Variants in PTPRG observed in about 807,000 individuals in gnomAD.
The protein encoded by PTPRG is receptor-type tyrosine-protein phosphatase gamma.
PTPRG carries 102 observed loss-of-function variants against 165.3 expected under a neutral mutation model. The observed-to-expected ratio is 0.62, with a 90% CI of 0.53 to 0.73. PTPRG has a LOEUF of 0.73. PTPRG is among the 30% of genes least tolerant of loss of function. PTPRG has a pLI of 0.00. For synonymous variants in PTPRG, 675 were observed against 669.5 expected (o/e 1.01, Z -0.13); for missense variants, 1,866 against 1,861.4 (o/e 1.00, Z -0.05).
intron 2 of PTPRG, chr3:61,771,174 G>T (rs2034196088): frequency 6.6e-6 from 1 of 152,096 alleles, no homozygotes; most frequent in African/African-American, 2.4e-5. Context: ...AATCAGAACA[G>T]AAAAAATAAG....
intron 1 of PTPRG, among the ~76,000 whole-genome samples, chr3:61,625,860 C>G (rs1289633326): frequency 6.6e-6 from 1 of 152,200 alleles, no homozygotes; most frequent in African/African-American, 2.4e-5. Context: ...TGTTGCAGAA[C>G]TTACTCCATT....
chr3:61,756,230 GA>G (rs1270798029), intron 2 of PTPRG, among the ~76,000 whole-genome samples: 3 of 152,180 alleles, frequency 2.0e-5, no homozygotes, highest in Non-Finnish European at 2.9e-5. Flanking sequence ...TCTTTGAACA[GA>G]ACCTTTGTCT....
chr3:61,939,641 T>G (rs1575805326), intron 2 of PTPRG, among the ~76,000 whole-genome samples: 1 of 152,232 alleles, frequency 6.6e-6, no homozygotes, highest in East Asian at 1.9e-4. Flanking sequence ...GGTTTGAGAG[T>G]TATATTTAAC....
intron 1 of PTPRG, among the ~76,000 whole-genome samples, chr3:61,728,903 A>G (rs1169488475): frequency 6.6e-6 from 1 of 151,232 alleles, no homozygotes; most frequent in African/African-American, 2.4e-5. Context: ...GAAAGAAAGA[A>G]AGAAAAAAAT....
intron 2 of PTPRG, chr3:61,750,399 GA>G (rs2033382997): frequency 6.6e-6 from 1 of 152,220 alleles, no homozygotes; most frequent in African/African-American, 2.4e-5. Context: ...GTGAAGAGAT[GA>G]AAGCCCTTAA....
chr3:62,076,168 T>A (rs933233773), intron 4 of PTPRG, among the ~76,000 whole-genome samples: 2 of 152,056 alleles, frequency 1.3e-5, no homozygotes, highest in African/African-American at 4.8e-5. Flanking sequence ...ATACCCGTAG[T>A]CCCAGCTGCT....
intron 1 of PTPRG, among the ~76,000 whole-genome samples, chr3:61,729,964 G>A (rs1267108355): frequency 1.3e-5 from 2 of 152,130 alleles, no homozygotes; most frequent in African/African-American, 4.8e-5. Flanking sequence ...TTAGTTTCAT[G>A]GCTCCCAAGA....
intron 2 of PTPRG, among the ~76,000 whole-genome samples, chr3:61,795,639 C>CAAAAAAAAAAA (rs145136197): frequency 1.7e-5 from 1 of 59,450 alleles, no homozygotes; most frequent in Non-Finnish European, 2.9e-5. Context: ...GACTCCGTCT[C>CAAAAAAAAAAA]AAAAAAAAAA....
chr3:62,246,941 T>C lies in PTPRG; in HGVS notation c.2467+3043T>C, dbSNP rs549961003. On this transcript the variant is annotated intron_variant, in intron 15 of 29. Transcript: ENST00000474889. Reference sequence around the variant, plus strand: ...ACATAACTAGTAAACTGAATCATTATACTGGCTAAAAATATGTGCAGCAGG... The same window carrying C: ...ACATAACTAGTAAACTGAATCATTACACTGGCTAAAAATATGTGCAGCAGG... Among the ~76,000 whole-genome samples the C allele has an allele frequency of 5.3e-5, 8 of 152,238 alleles. No homozygotes were observed. In the East Asian group the frequency reaches 1.5e-3, roughly 29 times the overall value.
In PTPRG at chr3:61,899,526, G is replaced by C. The variant is rs115099215; in HGVS notation, c.191-90099G>C. 4.5e-3 allele frequency among the ~76,000 whole-genome samples: 692 copies of C among 152,254 alleles called. 5 individuals carry two copies. Among genetic ancestry groups the C allele is most frequent in the African/African-American group, 0.016 (667 of 41,554 alleles). ...TCAGGAGAGAGAGCTGTCGGTTTCT[G>C]CTTTGGTGTCATTTCAGTCTTGCTT... On this transcript the variant is annotated intron_variant, in intron 2 of 29. Transcript: ENST00000474889.
rs1254685615 is a variant in PTPRG at position 62,296,553 on chromosome 3, T to A, written c.*3246T>A. On this transcript the variant is annotated 3_prime_UTR_variant, in exon 30 of 30. Coordinates refer to ENST00000474889, the MANE Select transcript of PTPRG (RefSeq NM_002841.4). Reference sequence around the variant, plus strand: ...TCAAAATGTAGTTTGTCTTAAGAATTTAGTGGTTATACTGGAAATGCATTT... The same window carrying A: ...TCAAAATGTAGTTTGTCTTAAGAATATAGTGGTTATACTGGAAATGCATTT... 6.6e-6 allele frequency: 1 copy of A among 151,916 alleles called. No homozygotes were observed. Among genetic ancestry groups the A allele is most frequent in the African/African-American group, 2.4e-5 (1 of 41,404 alleles). The allele number at this position is 151,916 out of a possible 1,614,324, so 9.4% of individuals were successfully genotyped here.
chr3:61,680,471 G>A (rs1010731531), intron 1 of PTPRG, among the ~76,000 whole-genome samples: 1 of 137,944 alleles, frequency 7.2e-6, no homozygotes, highest in Non-Finnish European at 1.5e-5. Context: ...GCGTTTTGAG[G>A]TTAACATGTT....
At chr3:62,218,109 G>C (rs1700555613) in intron 12 of PTPRG, among the ~76,000 whole-genome samples, 1 of 152,172 alleles carries the variant, frequency 6.6e-6, no homozygotes, top group Non-Finnish European at 1.5e-5. Flanking sequence ...CTGGGTGGTA[G>C]GAGCCCACGG....
chr3:61,651,879 A>T (rs926076256), intron 1 of PTPRG, among the ~76,000 whole-genome samples: 1 of 152,006 alleles, frequency 6.6e-6, no homozygotes, highest in Admixed American at 6.6e-5. Context: ...GCATGGTGAC[A>T]CACACCTGTA....
chr3:62,188,112 G>A lies in PTPRG; in HGVS notation c.1034-3357G>A, dbSNP rs1028891785. Among the ~76,000 whole-genome samples the A allele has an allele frequency of 3.9e-5, 6 of 152,142 alleles. No individual in the cohort carries two copies. In the South Asian group the frequency reaches 8.3e-4, roughly 21 times the overall value. ...TCTAGGGCCAGTCATGGTGGCTCACGTCTGTAATTCCAGTACTTTGGGAGG... is the reference window on the plus strand; with the variant it reads ...TCTAGGGCCAGTCATGGTGGCTCACATCTGTAATTCCAGTACTTTGGGAGG... On this transcript the variant is annotated intron_variant, in intron 8 of 29. Coordinates refer to ENST00000474889, the MANE Select transcript of PTPRG (RefSeq NM_002841.4).
intron 13 of PTPRG, among the ~76,000 whole-genome samples, chr3:62,227,940 G>C (rs917780526): frequency 6.6e-6 from 1 of 152,212 alleles, no homozygotes; most frequent in Non-Finnish European, 1.5e-5. Context: ...ATTTAGCAAT[G>C]TGTTCTCAGA....
At chr3:61,909,907 C>T (rs996233131) in intron 2 of PTPRG, among the ~76,000 whole-genome samples, 1 of 152,140 alleles carries the variant, frequency 6.6e-6, no homozygotes, top group East Asian at 1.9e-4. Context: ...AAAATTTGGA[C>T]ATCAGGTTCA....
At chr3:62,066,945 G>A (rs1317854832) in intron 4 of PTPRG, among the ~76,000 whole-genome samples, 1 of 151,592 alleles carries the variant, frequency 6.6e-6, no homozygotes, top group Non-Finnish European at 1.5e-5. Context: ...GGCGGAGGCA[G>A]GAGAATCACC....
At chr3:62,109,662 C>G (rs191328255) in intron 5 of PTPRG, among the ~76,000 whole-genome samples, 2 of 152,246 alleles carry the variant, frequency 1.3e-5, no homozygotes, top group Non-Finnish European at 2.9e-5. Context: ...GTGGGGCTTT[C>G]CCTCCTGCTC....
Sources: allele counts gnomAD v4.1 joint callset (sites outside exome capture counted in the v4.1 genomes callset), GRCh38; gene constraint gnomAD v4.1.1; transcripts MANE v1.5; gene names NCBI Gene and HGNC (gene_info 2026-07-23, HGNC 2026-07-21).